Variants in CFAP300 observed in about 807,000 individuals in gnomAD.
CFAP300 encodes cilia- and flagella-associated protein 300.
A neutral mutation model predicts 33.0 loss-of-function variants in CFAP300; 32 were observed. The ratio of observed to expected loss-of-function variants is 0.97; its 90% confidence interval spans 0.73 to 1.30. The LOEUF is 1.30. CFAP300 is among the 50% of genes most tolerant of loss of function. The pLI, the probability that CFAP300 is intolerant of heterozygous loss-of-function variation, is 0.00. For synonymous variants in CFAP300, 102 were observed against 106.8 expected (o/e 0.95, Z 0.28); for missense variants, 356 against 318.1 (o/e 1.12, Z -0.90).
chr11:102,060,238 G>A (rs541248766), intron 3 of CFAP300, among the ~76,000 whole-genome samples: 2 of 151,248 alleles, frequency 1.3e-5, no homozygotes, highest in East Asian at 3.9e-4. Context: ...CTCCCAAAGT[G>A]CTGAGATTAC....
Position 102,083,281 on chromosome 11 carries a change from T to A in CFAP300, c.*82T>A. On this transcript the variant is annotated 3_prime_UTR_variant, in exon 7 of 7. Coordinates refer to ENST00000434758, the MANE Select transcript of CFAP300 (RefSeq NM_032930.3). The stretch of plus-strand genomic sequence containing the variant: ...TACTAACTTATAGATAAACATATAC[T>A]TTGCAAATTAATTCAAGAAAAATGT... The A allele has an allele frequency of 8.8e-7, 1 of 1,136,662 alleles. No individual in the cohort carries two copies. Among genetic ancestry groups the A allele is most frequent in the Non-Finnish European group, 1.1e-6 (1 of 878,760 alleles). The allele number at this position is 1,136,662 out of a possible 1,614,324, so 70.4% of individuals were successfully genotyped here.
intron 4 of CFAP300, among the ~76,000 whole-genome samples, chr11:102,073,266 C>T (rs1942339833): frequency 6.6e-6 from 1 of 152,144 alleles, no homozygotes; most frequent in Non-Finnish European, 1.5e-5. Flanking sequence ...TTAGTGGTGG[C>T]TGTGATGTGC....
At chr11:102,072,648 T>C (rs1942330833) in intron 4 of CFAP300, among the ~76,000 whole-genome samples, 1 of 152,166 alleles carries the variant, frequency 6.6e-6, no homozygotes, top group African/African-American at 2.4e-5. Flanking sequence ...AAATTTATTT[T>C]TTATTAAATC....
intron 5 of CFAP300, among the ~76,000 whole-genome samples, chr11:102,079,005 C>T (rs560434394): frequency 6.0e-4 from 92 of 152,284 alleles, no homozygotes; most frequent in African/African-American, 2.0e-3. Context: ...CCACCGTGCC[C>T]GGCCGATATA....
At position 102,058,512 on chromosome 11, in the gene CFAP300, A is replaced by G. The variant is rs532154014; in HGVS notation, c.193-368A>G. On this transcript the variant is annotated intron_variant, in intron 2 of 6. Transcript: ENST00000434758. ...ACTTTTTTACATGCCTTTTGGAAAG[A>G]ATTAAATTGACAGTTACTTTTGGAT... 6.7e-5 allele frequency among the ~76,000 whole-genome samples: 10 copies of G among 149,798 alleles called. No homozygotes were observed. The East Asian group carries it at 1.8e-3, about 26-fold the overall frequency.
chr11:102,050,679 G>T (rs1000278527), intron 2 of CFAP300, among the ~76,000 whole-genome samples: 10 of 152,164 alleles, frequency 6.6e-5, no homozygotes, highest in Non-Finnish European at 1.5e-4. Context: ...GATCATTTTT[G>T]ACTGAGGTGG....
intron 2 of CFAP300, 57 bp downstream of exon 2, chr11:102,047,953 C>A (rs1941909675): frequency 2.6e-6 from 4 of 1,552,190 alleles, no homozygotes; most frequent in African/African-American, 1.4e-5. Context: ...AACTTCCCCC[C>A]AAGTTGGCAT....
rs768499932 is a variant in CFAP300, at chr11:102,083,707, T to A, written c.*508T>A. ...TCTTTTGCTTCATTTGTTCCACTTA[T>A]AAGCCTCAGTAAAGAAGTAACGTTC... On this transcript the variant is annotated 3_prime_UTR_variant, in exon 7 of 7. Coordinates refer to ENST00000434758, the MANE Select transcript of CFAP300 (RefSeq NM_032930.3). The A allele has an allele frequency of 6.6e-6, 1 of 152,268 alleles. No individual in the cohort carries two copies. The highest frequency in any genetic ancestry group is 1.5e-5 in the Non-Finnish European group (1 of 68,056). 9.4% of individuals were successfully genotyped at this position (152,268 alleles called of 1,614,324 possible). A position where few individuals can be genotyped will look rare whatever the true frequency, so the allele number is the denominator to read the frequency against.
chr11:102,056,849 T>A (rs557013580), intron 2 of CFAP300, among the ~76,000 whole-genome samples: 33 of 152,038 alleles, frequency 2.2e-4, no homozygotes, highest in African/African-American at 8.0e-4. Context: ...GATCTTGAAC[T>A]CCTGGCCTCA....
At chr11:102,047,926 G>T (rs1433108126) in intron 2 of CFAP300, 30 bp downstream of exon 2, 2 of 1,605,146 alleles carry the variant, frequency 1.2e-6, no homozygotes, top group African/African-American at 2.7e-5. Context: ...AGTTCCCTGG[G>T]TCTCTGCGGA....
chr11:102,079,881 A>T (rs1942449920), intron 5 of CFAP300, among the ~76,000 whole-genome samples: 1 of 152,186 alleles, frequency 6.6e-6, no homozygotes, highest in Non-Finnish European at 1.5e-5. Flanking sequence ...TATTTAGCTT[A>T]TCTTAATTAT....
intron 3 of CFAP300, among the ~76,000 whole-genome samples, chr11:102,059,446 C>T (rs1437220429): frequency 3.3e-5 from 5 of 151,796 alleles, no homozygotes. Flanking sequence ...TACAGGAGTT[C>T]AAGACCAGCC....
chr11:102,062,479 G>A (rs964547649), intron 3 of CFAP300, among the ~76,000 whole-genome samples: 1 of 152,162 alleles, frequency 6.6e-6, no homozygotes, highest in Non-Finnish European at 1.5e-5. Context: ...ATTGGAAACT[G>A]GGGTAAAGGT....
Position 102,081,217 on chromosome 11 carries a change from T to A in CFAP300, c.611T>A (p.Val204Asp). The A allele has an allele frequency of 6.2e-7, 1 of 1,606,706 alleles. No individual in the cohort carries two copies. The highest frequency in any genetic ancestry group is 8.5e-7 in the Non-Finnish European group (1 of 1,178,168). Residue 204 changes from valine to aspartate, a missense_variant and splice_region_variant, in exon 6 of 7, where the codon GTT (valine) becomes GAT (aspartate). By Grantham distance (152) the Val-to-Asp change is radical. Transcript: ENST00000434758. ...GCACCTTTTCTTCCTTTTTTTAGTGTTCGAAAGAATCCTCAAACCAAGAAA... is the reference window on the plus strand; with the variant it reads ...GCACCTTTTCTTCCTTTTTTTAGTGATCGAAAGAATCCTCAAACCAAGAAA... ...TKLIYKDLVSVRKNPQTKKIQ... is the reference protein window; with the variant it reads ...TKLIYKDLVSDRKNPQTKKIQ...
At chr11:102,053,315 G>T (rs1451940437) in intron 2 of CFAP300, among the ~76,000 whole-genome samples, 1 of 151,874 alleles carries the variant, frequency 6.6e-6, no homozygotes, top group Non-Finnish European at 1.5e-5. Context: ...ACTTTGGGAG[G>T]CTGAGGTGGA....
chr11:102,074,170 G>A (rs1292728995), intron 4 of CFAP300, among the ~76,000 whole-genome samples: 1 of 140,468 alleles, frequency 7.1e-6, no homozygotes, highest in Non-Finnish European at 1.6e-5. Flanking sequence ...GTAGGAGTTG[G>A]ATTCTCAAAA....
chr11:102,047,888 T>A lies in CFAP300; in HGVS notation c.184T>A (p.Phe62Ile), dbSNP rs747689489. The A allele has an allele frequency of 6.2e-7, 1 of 1,614,022 alleles. No homozygotes were observed. The highest frequency in any genetic ancestry group is 1.3e-5 in the African/African-American group (1 of 74,912). ...QTFQSYRKDDFVMAFFKDPNV... is the reference protein window; with the variant it reads ...QTFQSYRKDDIVMAFFKDPNV... Reference sequence around the variant, plus strand: ...CTTTCAGTCCTATCGGAAGGATGATTTCGTTATGGTTAGTATGGGGGTCGG... The same window carrying A: ...CTTTCAGTCCTATCGGAAGGATGATATCGTTATGGTTAGTATGGGGGTCGG... Residue 62 changes from phenylalanine (F) to isoleucine (I), a missense_variant, in exon 2 of 7, where the codon TTC (phenylalanine) becomes ATC (isoleucine). Phe to Ile is a conservative substitution (Grantham distance 21). Transcript: ENST00000434758.
At chr11:102,076,904 C>A (rs1260281624) in intron 5 of CFAP300, among the ~76,000 whole-genome samples, 7 of 151,970 alleles carry the variant, frequency 4.6e-5, no homozygotes, top group African/African-American at 1.7e-4. Flanking sequence ...TTTTAATGAA[C>A]AAGTTATTGT....
intron 2 of CFAP300, among the ~76,000 whole-genome samples, chr11:102,051,098 A>G (rs1325389685): frequency 2.0e-5 from 3 of 152,184 alleles, no homozygotes; most frequent in Non-Finnish European, 4.4e-5. Flanking sequence ...ATGACTCCCA[A>G]GTTTCTGGCT....
Sources: allele counts gnomAD v4.1 joint callset (sites outside exome capture counted in the v4.1 genomes callset), GRCh38; gene constraint gnomAD v4.1.1; transcripts MANE v1.5; gene names NCBI Gene and HGNC (gene_info 2026-07-23, HGNC 2026-07-21).